The following GRID2 variants were observed in gnomAD, a reference collection of about 807,000 sequenced individuals.
GRID2 encodes glutamate ionotropic receptor delta type subunit 2, also known as glutamate receptor ionotropic, delta-2.
A neutral mutation model predicts 114.8 loss-of-function variants in GRID2; 33 were observed. That is an observed-to-expected ratio of 0.29 (90% CI 0.22 to 0.38). The LOEUF is 0.38. GRID2 is among the 10% of genes least tolerant of loss of function. The pLI is 1.00. For synonymous variants in GRID2, 505 were observed against 449.9 expected, an observed-to-expected ratio of 1.12 and a Z score of -1.55; for missense variants, 1,184 against 1,257.7, an observed-to-expected ratio of 0.94 and a Z score of 0.89.
intron 1 of GRID2, among the ~76,000 whole-genome samples, chr4:92,572,406 CA>C (rs200559949): frequency 0.14 from 20,913 of 151,834 alleles, 2,326 homozygotes; most frequent in African/African-American, 0.31. Context: ...GCTTACCAAT[CA>C]AAAAAAGTCC....
At chr4:92,450,674 TATC>T (rs896414875) in intron 1 of GRID2, among the ~76,000 whole-genome samples, 2 of 152,028 alleles carry the variant, frequency 1.3e-5, no homozygotes, top group Admixed American at 6.5e-5. Flanking sequence ...ACTCATATGA[TATC>T]ATCACTTTTC....
Position 93,054,372 on chromosome 4 carries a change from A to G in GRID2, c.245-30623A>G, listed in dbSNP as rs1022078214. ...TGTAATATTGTTTAAAGAAAAAAAA[A>G]ACTAGCACAGTAGGAAATAAGTTTA... On this transcript the variant is annotated intron_variant, in intron 2 of 15. Coordinates refer to ENST00000282020, the MANE Select transcript of GRID2 (RefSeq NM_001510.4). Among the ~76,000 whole-genome samples the G allele has an allele frequency of 2.0e-5, 3 of 151,832 alleles. No homozygotes were observed. In the South Asian group the frequency reaches 6.2e-4, roughly 31 times the overall value.
chr4:93,015,836 G>C (rs1027265832), intron 2 of GRID2, among the ~76,000 whole-genome samples: 2 of 152,026 alleles, frequency 1.3e-5, no homozygotes, highest in African/African-American at 4.8e-5. Flanking sequence ...TACTAGATCA[G>C]TGTTTCTTAT....
chr4:93,367,186 T>G (rs1191357955), intron 8 of GRID2, among the ~76,000 whole-genome samples: 3 of 140,928 alleles, frequency 2.1e-5, no homozygotes, highest in Non-Finnish European at 4.6e-5. Context: ...GCCTGTGGCT[T>G]TATTTTTTTT....
intron 2 of GRID2, among the ~76,000 whole-genome samples, chr4:92,655,072 G>T (rs1732160268): frequency 1.3e-5 from 2 of 151,874 alleles, no homozygotes; most frequent in South Asian, 4.1e-4. Context: ...ATTGTAAGTG[G>T]TGAGAAATAG....
intron 8 of GRID2, among the ~76,000 whole-genome samples, chr4:93,389,538 C>T (rs943628655): frequency 6.6e-6 from 1 of 152,078 alleles, no homozygotes. Flanking sequence ...TTTGTTTATT[C>T]AAATCTGCCA....
chr4:93,146,476 TG>T (rs1388167560), intron 4 of GRID2, among the ~76,000 whole-genome samples: 1 of 152,178 alleles, frequency 6.6e-6, no homozygotes, highest in East Asian at 1.9e-4. Context: ...AAGCTTTTCA[TG>T]TGTGATCTTC....
In GRID2 at chr4:93,516,907, G is replaced by A. The variant is rs571379350; in HGVS notation, c.2193+1496G>A. Among the ~76,000 whole-genome samples the A allele has an allele frequency of 8.6e-4, 131 of 152,112 alleles. 1 individual carries two copies. Among genetic ancestry groups the A allele is most frequent in the African/African-American group, 2.3e-3 (94 of 41,512 alleles). Reference sequence around the variant, plus strand: ...TTTCTATTCCATTTTAGGAGCCAAAGCTCCCCCTGCCTTATAACCTCATTC... The same window carrying A: ...TTTCTATTCCATTTTAGGAGCCAAAACTCCCCCTGCCTTATAACCTCATTC... On this transcript the variant is annotated intron_variant, in intron 13 of 15. Transcript: ENST00000282020.
intron 2 of GRID2, among the ~76,000 whole-genome samples, chr4:92,761,886 A>C (rs1311178304): frequency 6.6e-6 from 1 of 152,140 alleles, no homozygotes; most frequent in African/African-American, 2.4e-5. Context: ...TGAAAATATA[A>C]AATATAATAT....
chr4:92,616,430 A>G (rs1377511745), intron 2 of GRID2, among the ~76,000 whole-genome samples: 1 of 151,400 alleles, frequency 6.6e-6, no homozygotes, highest in African/African-American at 2.4e-5. Flanking sequence ...GTCTGTCAGT[A>G]GTTTGACTAT....
intron 2 of GRID2, among the ~76,000 whole-genome samples, chr4:92,873,239 A>G (rs116736137): frequency 7.9e-4 from 120 of 152,168 alleles, no homozygotes; most frequent in Non-Finnish European, 1.2e-3. Context: ...CTTCAATTCT[A>G]TTATGTAGTA....
chr4:92,425,150 G>A (rs1237128079), intron 1 of GRID2, among the ~76,000 whole-genome samples: 1 of 151,956 alleles, frequency 6.6e-6, no homozygotes, highest in Non-Finnish European at 1.5e-5. Flanking sequence ...TGTAGAAAGA[G>A]AAGTAAGGAA....
chr4:92,499,302 T>C (rs1186812152), intron 1 of GRID2, among the ~76,000 whole-genome samples: 1 of 152,138 alleles, frequency 6.6e-6, no homozygotes, highest in Non-Finnish European at 1.5e-5. Context: ...ACTTTGATTC[T>C]CCAGCAGTTT....
chr4:92,872,529 G>T (rs1163941725), intron 2 of GRID2, among the ~76,000 whole-genome samples: 2 of 151,896 alleles, frequency 1.3e-5, no homozygotes, highest in African/African-American at 4.8e-5. Context: ...TTAATTATTT[G>T]GATGATTAAA....
chr4:92,805,052 C>T lies in GRID2; in HGVS notation c.244+214766C>T, dbSNP rs1395232913. Among the ~76,000 whole-genome samples the T allele has an allele frequency of 2.6e-5, 4 of 152,058 alleles. No individual in the cohort carries two copies. The East Asian group carries it at 7.8e-4, about 30-fold the overall frequency. On this transcript the variant is annotated intron_variant, in intron 2 of 15. Coordinates refer to ENST00000282020, the MANE Select transcript of GRID2 (RefSeq NM_001510.4). ...CTATCCTAAGCTTTGCAAGTATTAACTAATTTATGCTCAAAACAAGTCTAG... is the reference window on the plus strand; with the variant it reads ...CTATCCTAAGCTTTGCAAGTATTAATTAATTTATGCTCAAAACAAGTCTAG...
At chr4:92,725,000 T>C (rs753391738) in intron 2 of GRID2, among the ~76,000 whole-genome samples, 7 of 152,046 alleles carry the variant, frequency 4.6e-5, no homozygotes, top group Non-Finnish European at 1.0e-4. Context: ...CACCGTTTAT[T>C]AAGAATAAGG....
chr4:93,570,451 G>A (rs1252264758), intron 13 of GRID2, among the ~76,000 whole-genome samples: 1 of 152,154 alleles, frequency 6.6e-6, no homozygotes, highest in African/African-American at 2.4e-5. Flanking sequence ...AAAAGTGGTG[G>A]AGACAATAAG....
chr4:92,803,608 T>C (rs1269687521), intron 2 of GRID2, among the ~76,000 whole-genome samples: 1 of 152,016 alleles, frequency 6.6e-6, no homozygotes, highest in Non-Finnish European at 1.5e-5. Context: ...TGTGTGTTTA[T>C]AGAATTTTAA....
intron 14 of GRID2, among the ~76,000 whole-genome samples, chr4:93,693,007 T>C (rs1221380022): frequency 1.3e-5 from 2 of 152,216 alleles, no homozygotes; most frequent in Non-Finnish European, 2.9e-5. Flanking sequence ...AGAGCTGTTA[T>C]AAATCAGGAA....
Sources: gnomAD v4.1 joint callset for allele counts (sites outside exome capture counted in the v4.1 genomes callset) on GRCh38, gnomAD v4.1.1 for gene constraint, MANE v1.5 for transcripts, NCBI Gene and HGNC (gene_info 2026-07-23, HGNC 2026-07-21) for gene names.